Variants in ASCC3 observed in about 807,000 individuals in gnomAD.
ASCC3 encodes ASC-1 complex subunit P200.
A neutral mutation model predicts 256.3 loss-of-function variants in ASCC3; 158 were observed. That is an observed-to-expected ratio of 0.62 (90% confidence interval 0.54 to 0.70). ASCC3 has a LOEUF of 0.70. ASCC3 is among the 30% of genes least tolerant of loss of function. The probability of loss-of-function intolerance (pLI) is 0.00; values close to 1 mark genes in which losing one functional copy is unlikely to be tolerated. For missense variants in ASCC3, 2,259 were observed against 2,626.0 expected (o/e 0.86, Z 3.05); for synonymous variants, 948 against 883.4 (o/e 1.07, Z -1.30).
chr6:100,825,678 A>G (rs1771269728), intron 4 of ASCC3, among the ~76,000 whole-genome samples: 1 of 152,080 alleles, frequency 6.6e-6, no homozygotes, highest in Non-Finnish European at 1.5e-5. Flanking sequence ...GTTCTCCTGG[A>G]TAATATCCTG....
chr6:100,671,311 C>T (rs117862334), intron 14 of ASCC3, among the ~76,000 whole-genome samples: 11 of 151,986 alleles, frequency 7.2e-5, no homozygotes, highest in South Asian at 2.1e-4. Flanking sequence ...TTTTTCTACT[C>T]GGTTCTCCAA....
At chr6:100,520,427 TC>T (rs1226734837) in intron 37 of ASCC3, among the ~76,000 whole-genome samples, 1 of 150,820 alleles carries the variant, frequency 6.6e-6, no homozygotes, top group African/African-American at 2.5e-5. Flanking sequence ...TTCTTCTCCT[TC>T]TTCTTCTTTT....
At chr6:100,842,096 A>G (rs116853747) in intron 4 of ASCC3, among the ~76,000 whole-genome samples, 1,680 of 152,296 alleles carry the variant, frequency 0.011, 11 homozygotes, top group Non-Finnish European at 0.017. Context: ...TGGTCCTCAT[A>G]GCTGAAAGGA....
intron 13 of ASCC3, among the ~76,000 whole-genome samples, chr6:100,713,761 A>G (rs1400999821): frequency 6.6e-6 from 1 of 152,104 alleles, no homozygotes; most frequent in East Asian, 1.9e-4. Context: ...TTAAATATTT[A>G]CTGAATCTTT....
intron 3 of ASCC3, among the ~76,000 whole-genome samples, chr6:100,855,499 G>A (rs1404958578): frequency 6.6e-6 from 1 of 152,182 alleles, no homozygotes; most frequent in Non-Finnish European, 1.5e-5. Context: ...CATTTGCAAA[G>A]TACTCTTGAT....
At chr6:100,744,869 C>A (rs1050052440) in intron 10 of ASCC3, among the ~76,000 whole-genome samples, 3 of 152,198 alleles carry the variant, frequency 2.0e-5, no homozygotes, top group African/African-American at 7.2e-5. Context: ...AGAATTGTGT[C>A]AAAATTGGTT....
intron 13 of ASCC3, among the ~76,000 whole-genome samples, chr6:100,681,460 G>A (rs1562222122): frequency 6.6e-6 from 1 of 151,974 alleles, no homozygotes; most frequent in East Asian, 1.9e-4. Context: ...TGGGCGTGGT[G>A]GCTCACACCT....
At chr6:100,683,469 AC>A in intron 13 of ASCC3, among the ~76,000 whole-genome samples, 1 of 152,154 alleles carries the variant, frequency 6.6e-6, no homozygotes, top group African/African-American at 2.4e-5. Flanking sequence ...AGTAAAATAA[AC>A]CCTTTTTTTT....
chr6:100,590,969 C>T (rs564291108), intron 34 of ASCC3, among the ~76,000 whole-genome samples: 12 of 151,876 alleles, frequency 7.9e-5, no homozygotes, highest in African/African-American at 2.9e-4. Context: ...ATGAGAGGCC[C>T]CATTACATAA....
chr6:100,790,449 T>C (rs1769299241), intron 8 of ASCC3, among the ~76,000 whole-genome samples: 1 of 151,910 alleles, frequency 6.6e-6, no homozygotes, highest in Non-Finnish European at 1.5e-5. Flanking sequence ...TGATGACCAA[T>C]AACCAATACA....
chr6:100,710,147 C>T (rs533316130), intron 13 of ASCC3, among the ~76,000 whole-genome samples: 1 of 152,250 alleles, frequency 6.6e-6, no homozygotes, highest in Admixed American at 6.5e-5. Flanking sequence ...TGTTAGTAGA[C>T]TCTTAAACTG....
At chr6:100,840,223 A>G (rs1470544506) in intron 4 of ASCC3, among the ~76,000 whole-genome samples, 1 of 152,232 alleles carries the variant, frequency 6.6e-6, no homozygotes, top group African/African-American at 2.4e-5. Flanking sequence ...TCTGATCCAA[A>G]TAACTCTCCA....
At chr6:100,800,255 C>T (rs779821536) in intron 6 of ASCC3, 45 bp downstream of exon 6, 4 of 1,579,350 alleles carry the variant, frequency 2.5e-6, no homozygotes, top group Non-Finnish European at 8.7e-7. Flanking sequence ...TATGTAAAAG[C>T]AGCAATTACA....
At chr6:100,520,431 CTTCTTTTTTTTTT>C (rs1003511921) in intron 37 of ASCC3, among the ~76,000 whole-genome samples, 4 of 150,582 alleles carry the variant, frequency 2.7e-5, no homozygotes, top group African/African-American at 9.9e-5. Flanking sequence ...TCTCCTTCTT[CTTCTTTTTTTTTT>C]TTCTTTTTTT....
intron 10 of ASCC3, among the ~76,000 whole-genome samples, chr6:100,766,059 A>G (rs1443684525): frequency 6.6e-6 from 1 of 152,162 alleles, no homozygotes; most frequent in African/African-American, 2.4e-5. Flanking sequence ...CTGTGTCTTA[A>G]GTGTCTTTAT....
chr6:100,647,384 T>G lies in ASCC3; in HGVS notation c.3320A>C (p.Tyr1107Ser), dbSNP rs1775433440. The G allele has an allele frequency of 1.9e-6, 3 of 1,613,892 alleles. No homozygotes were observed. Residue 1107 changes from tyrosine to serine, a missense_variant, in exon 21 of 42, where the codon TAC becomes TCC. By Grantham distance (144) the Tyr-to-Ser change is moderately radical. Coordinates refer to ENST00000369162, the MANE Select transcript of ASCC3 (RefSeq NM_006828.4). ...GACTTTACTAAGATTCAGGAGCCTG[T>G]AGGTCATGGTAGGCCAACGTTTCCT... ...ALRKRWPTMT[Y>S]RLLNLSKVID... is the part of the protein sequence containing the mutation.
intron 36 of ASCC3, among the ~76,000 whole-genome samples, chr6:100,586,398 T>C (rs909196313): frequency 2.6e-5 from 4 of 152,150 alleles, no homozygotes; most frequent in African/African-American, 7.2e-5. Context: ...AGGTGCGAGA[T>C]ATAATCTCCT....
intron 8 of ASCC3, among the ~76,000 whole-genome samples, chr6:100,788,305 AACCG>A (rs1414010730): frequency 1.3e-5 from 2 of 152,044 alleles, no homozygotes; most frequent in African/African-American, 4.8e-5. Context: ...AAAATTTTTA[AACCG>A]ACAATATTAT....
At chr6:100,663,367 T>C (rs547937088) in intron 14 of ASCC3, among the ~76,000 whole-genome samples, 1 of 152,238 alleles carries the variant, frequency 6.6e-6, no homozygotes, top group South Asian at 2.1e-4. Flanking sequence ...CTGAGTAGCA[T>C]GATGAAATCT....
Sources: allele counts gnomAD v4.1 joint callset (sites outside exome capture counted in the v4.1 genomes callset), GRCh38; gene constraint gnomAD v4.1.1; transcripts MANE v1.5; gene names NCBI Gene and HGNC (gene_info 2026-07-23, HGNC 2026-07-21).